CELF2: variants seen among roughly 807,000 people sequenced by gnomAD.
The protein encoded by CELF2 is CUGBP Elav-like family member 2, also known as CUG triplet repeat RNA-binding protein 2.
Under a neutral mutation model 62.6 loss-of-function variants are expected in CELF2, and 8 were observed. That is an observed-to-expected ratio of 0.13 (90% confidence interval 0.07 to 0.23). The LOEUF (loss-of-function observed/expected upper bound fraction) is 0.23. CELF2 is among the 10% of genes least tolerant of loss of function. The pLI is 1.00. For missense variants in CELF2, 333 were observed against 671.0 expected, an observed-to-expected ratio of 0.50 and a Z score of 5.56; for synonymous variants, 258 against 250.0, an observed-to-expected ratio of 1.03 and a Z score of -0.30.
At chr10:10,481,400 C>T in the CELF2 span, among the ~76,000 whole-genome samples, 2 of 152,296 alleles carry the variant, frequency 1.3e-5, 1 homozygote, top group African/African-American at 4.8e-5. Flanking sequence ...TGAATGAGTA[C>T]ATGAGCTAAT....
the CELF2 span, among the ~76,000 whole-genome samples, chr10:10,698,554 C>T: frequency 2.3e-4 from 35 of 152,324 alleles, no homozygotes; most frequent in East Asian, 1.7e-3. Context: ...ATCCAAACCA[C>T]GGATCACCTA....
chr10:10,483,407 A>G, the CELF2 span, among the ~76,000 whole-genome samples: 1 of 152,340 alleles, frequency 6.6e-6, no homozygotes, highest in South Asian at 2.1e-4. Flanking sequence ...AGCATAACAC[A>G]GTTCCTGGTA....
chr10:11,008,620 TAAA>T lies in CELF2; in HGVS notation c.53+3183_53+3185del, dbSNP rs543845346. On this transcript the variant is annotated intron_variant, in intron 1 of 12. Transcript: ENST00000416382. This position sits in a 1 kb window ranked among gnomAD's most constrained non-coding sequence, Gnocchi z 4.5. ...GTTAATTAGGTGAAAATGTGGCTGA[TAAA>T]AAGTTCATTGAGCACAGCCATGGAA... Among the ~76,000 whole-genome samples, 602 of 152,280 alleles carry T rather than the reference TAAA, an allele frequency of 4.0e-3. 4 individuals carry two copies. Among genetic ancestry groups the T allele is most frequent in the African/African-American group, 0.014 (564 of 41,558 alleles).
chr10:10,593,693 CAGGAAG>C, the CELF2 span, among the ~76,000 whole-genome samples: 1 of 152,118 alleles, frequency 6.6e-6, no homozygotes, highest in South Asian at 2.1e-4. Context: ...GGCTTTAAAC[CAGGAAG>C]ATTTGTATTT....
intron 12 of CELF2, among the ~76,000 whole-genome samples, chr10:11,327,602 T>G (rs2095820281): frequency 6.6e-6 from 1 of 152,204 alleles, no homozygotes. Context: ...CCTTTGTCCA[T>G]TTCCATTCTG....
the CELF2 span, among the ~76,000 whole-genome samples, chr10:10,651,452 T>C: frequency 4.7e-3 from 630 of 134,188 alleles, 21 homozygotes; most frequent in African/African-American, 0.017. Flanking sequence ...CAGTAACCTC[T>C]GCAGACTTAA....
At chr10:11,299,815 A>T (rs74979641) in intron 9 of CELF2, among the ~76,000 whole-genome samples, 1 of 150,726 alleles carries the variant, frequency 6.6e-6, no homozygotes, top group African/African-American at 2.4e-5. Flanking sequence ...GATCATCAAC[A>T]TTTTTTTTTT....
At chr10:11,289,201 A>G (rs1216041068) in intron 9 of CELF2, among the ~76,000 whole-genome samples, 1 of 152,192 alleles carries the variant, frequency 6.6e-6, no homozygotes, top group African/African-American at 2.4e-5. Context: ...AATTTAAAAA[A>G]GTCGAACGTT....
intron 1 of CELF2, among the ~76,000 whole-genome samples, chr10:10,892,763 C>T (rs1345944689): frequency 6.6e-6 from 1 of 152,192 alleles, no homozygotes; most frequent in Non-Finnish European, 1.5e-5. Flanking sequence ...GCCAGCCTTG[C>T]TCCTACGTTT....
intron 1 of CELF2, among the ~76,000 whole-genome samples, chr10:10,890,239 G>T (rs140772369): frequency 0.018 from 2,779 of 152,236 alleles, 38 homozygotes; most frequent in Middle Eastern, 0.048. Context: ...TCTGGAATCA[G>T]GGGTATTTCC....
chr10:10,611,093 C>T, the CELF2 span, among the ~76,000 whole-genome samples: 1 of 152,178 alleles, frequency 6.6e-6, no homozygotes, highest in African/African-American at 2.4e-5. Context: ...GGAGAGCAAC[C>T]CTGTAGTGGG....
chr10:11,032,307 A>C (rs2138943163), intron 1 of CELF2, among the ~76,000 whole-genome samples: 1 of 152,250 alleles, frequency 6.6e-6, no homozygotes, highest in South Asian at 2.1e-4. Context: ...TTTCAGCTTA[A>C]ACCCCTTGAA....
rs999896931 is a variant in CELF2 at position 11,302,432 on chromosome 10, C to G, written c.977-11707C>G. On this transcript the variant is annotated intron_variant, in intron 9 of 12. Coordinates refer to ENST00000633077, the MANE Select transcript of CELF2 (RefSeq NM_001326342.2). This position sits in a 1 kb window ranked among gnomAD's most constrained non-coding sequence, Gnocchi z 5.0. ...AGGGGAGCCCCAGGTGGTGCCGATG[C>G]GGGCGAGGCTGTAACTTTACAGTAA... 6.6e-6 allele frequency among the ~76,000 whole-genome samples: 1 copy of G among 152,056 alleles called. No homozygotes were observed. Among genetic ancestry groups the G allele is most frequent in the Admixed American group, 6.5e-5 (1 of 15,280 alleles).
chr10:10,646,800 T>C, the CELF2 span, among the ~76,000 whole-genome samples: 6 of 152,228 alleles, frequency 3.9e-5, no homozygotes, highest in Admixed American at 6.5e-5. Context: ...CTTTCTCTAA[T>C]ACTTCAGCTT....
At chr10:10,660,253 T>C in the CELF2 span, among the ~76,000 whole-genome samples, 2 of 152,252 alleles carry the variant, frequency 1.3e-5, no homozygotes, top group Non-Finnish European at 2.9e-5. Context: ...AATAGCTATG[T>C]ATGATGTCAT....
rs1419259192 is a variant in CELF2 at position 10,947,705 on chromosome 10, C to A, written c.89+27706C>A. On this transcript the variant is annotated intron_variant, in intron 2 of 13. Coordinates refer to the CELF2 transcript ENST00000636488. This position sits in a 1 kb window ranked among gnomAD's most constrained non-coding sequence, Gnocchi z 4.1. Reference sequence around the variant, plus strand: ...GTAATCCCCGCTAGACACCTGAATACCTTCAACTTTCTGCTTTCAAGGTCA... The same window carrying A: ...GTAATCCCCGCTAGACACCTGAATAACTTCAACTTTCTGCTTTCAAGGTCA... 1 of 152,262 alleles carries A rather than the reference C, an allele frequency of 6.6e-6. No individual in the cohort carries two copies. The highest frequency in any genetic ancestry group is 1.9e-4 in the East Asian group (1 of 5,194). 9.4% of individuals were successfully genotyped at this position (152,262 alleles called of 1,614,324 possible). A position where few individuals can be genotyped will look rare whatever the true frequency, so the allele number is the denominator to read the frequency against.
At chr10:11,229,660 G>T (rs989187728) in intron 3 of CELF2, among the ~76,000 whole-genome samples, 1 of 151,446 alleles carries the variant, frequency 6.6e-6, no homozygotes, top group Admixed American at 6.6e-5. Flanking sequence ...CGCAATCTTG[G>T]CTCACTGCAA....
At chr10:10,677,587 A>T in the CELF2 span, among the ~76,000 whole-genome samples, 1 of 152,320 alleles carries the variant, frequency 6.6e-6, no homozygotes, top group South Asian at 2.1e-4. Flanking sequence ...AATTCCACTG[A>T]ATGATTGTCA....
In CELF2 at chr10:11,046,493, G is replaced by A. The variant is rs1240316725; in HGVS notation, c.74+28330G>A. On this transcript the variant is annotated intron_variant, in intron 1 of 12. Transcript: ENST00000633077. The surrounding 1 kb of genome is among the most constrained non-coding windows in gnomAD (Gnocchi z 4.6). Reference sequence around the variant, plus strand: ...TAAAGTATATTAAGGTTCTCATTAGGCGCACTGCCTGATTCTCATTAAGAC... The same window carrying A: ...TAAAGTATATTAAGGTTCTCATTAGACGCACTGCCTGATTCTCATTAAGAC... 6.6e-6 allele frequency among the ~76,000 whole-genome samples: 1 copy of A among 152,174 alleles called. No individual in the cohort carries two copies. The highest frequency in any genetic ancestry group is 1.9e-4 in the East Asian group (1 of 5,190).
Sources: gnomAD v4.1 joint callset for allele counts (sites outside exome capture counted in the v4.1 genomes callset) on GRCh38, gnomAD v4.1.1 for gene constraint, Gnocchi (gnomAD v3.1) non-coding constraint, MANE v1.5 for transcripts, NCBI Gene and HGNC (gene_info 2026-07-23, HGNC 2026-07-21) for gene names.